Variants in MOV10L1 observed in about 807,000 individuals in gnomAD.
The protein encoded by MOV10L1 is Mov10 like RNA helicase 1.
A neutral mutation model predicts 143.8 loss-of-function variants in MOV10L1; 110 were observed. That is an observed-to-expected ratio of 0.76 (90% CI 0.66 to 0.90). MOV10L1 has a LOEUF of 0.90. Among genes scored for constraint, MOV10L1 ranks in the 40% least tolerant of loss-of-function variants. The probability of loss-of-function intolerance (pLI) is 0.00; values close to 1 mark genes in which losing one functional copy is unlikely to be tolerated. For synonymous variants in MOV10L1, 593 were observed against 581.1 expected (o/e 1.02, Z -0.29); for missense variants, 1,406 against 1,526.8 (o/e 0.92, Z 1.32).
intron 5 of MOV10L1, among the ~76,000 whole-genome samples, chr22:50,110,778 A>G (rs368971446): frequency 6.1e-4 from 93 of 152,064 alleles, no homozygotes; most frequent in African/African-American, 2.2e-3. Context: ...TAAAATACAA[A>G]AAATTAGCCA....
At chr22:50,128,015 G>A (rs553895693) in intron 12 of MOV10L1, among the ~76,000 whole-genome samples, 50 of 152,138 alleles carry the variant, frequency 3.3e-4, no homozygotes, top group African/African-American at 1.1e-3. Context: ...AAGGTGATCC[G>A]CCCACCTTGG....
In MOV10L1 at chr22:50,152,958, C is replaced by G; in HGVS notation, c.2893-87C>G. 7.3e-7 allele frequency: 1 copy of G among 1,365,740 alleles called. No homozygotes were observed. Among genetic ancestry groups the G allele is most frequent in the Middle Eastern group, 2.7e-4 (1 of 3,674 alleles). 84.6% of individuals were successfully genotyped at this position (1,365,740 alleles called of 1,614,324 possible). A position where few individuals can be genotyped will look rare whatever the true frequency, so the allele number is the denominator to read the frequency against. ...AGGCTTGGAAGTCAGGCAGGCCTCA[C>G]GTTTGCTGTGCAGAGCCGCTTTTCG... On this transcript the variant is annotated intron_variant, in intron 21 of 26. Coordinates refer to ENST00000262794, the MANE Select transcript of MOV10L1 (RefSeq NM_018995.3). This position sits in a 1 kb window ranked among gnomAD's most constrained non-coding sequence, Gnocchi z 4.4.
At chr22:50,131,532 G>A (rs1017198313) in intron 13 of MOV10L1, among the ~76,000 whole-genome samples, 26 of 152,092 alleles carry the variant, frequency 1.7e-4, no homozygotes, top group South Asian at 4.2e-4. Context: ...GGATCTCAAC[G>A]ATTTTATCCT....
intron 3 of MOV10L1, among the ~76,000 whole-genome samples, chr22:50,107,159 C>A (rs2147097773): frequency 6.6e-6 from 1 of 151,466 alleles, no homozygotes; most frequent in South Asian, 2.1e-4. Flanking sequence ...ACTGCAAACT[C>A]CACCTCCCGG....
In MOV10L1 at chr22:50,159,931, T is replaced by C; in HGVS notation, c.3324+146T>C. Reference sequence around the variant, plus strand: ...GGAGACTCCCTAGGTCCAGGAGCCATTGTAAGCAGTGGCTGTGGGAAGGTC... The same window carrying C: ...GGAGACTCCCTAGGTCCAGGAGCCACTGTAAGCAGTGGCTGTGGGAAGGTC... On this transcript the variant is annotated intron_variant, in intron 24 of 26. Transcript: ENST00000262794. The surrounding 1 kb of genome is among the most constrained non-coding windows in gnomAD (Gnocchi z 4.1). 5.0e-6 allele frequency: 3 copies of C among 594,840 alleles called. No homozygotes were observed. The highest frequency in any genetic ancestry group is 8.9e-6 in the Non-Finnish European group (3 of 335,584). 36.8% of individuals were successfully genotyped at this position (594,840 alleles called of 1,614,324 possible).
intron 5 of MOV10L1, among the ~76,000 whole-genome samples, chr22:50,109,835 C>T (rs1390566101): frequency 6.6e-6 from 1 of 150,856 alleles, no homozygotes; most frequent in African/African-American, 2.4e-5. Flanking sequence ...CAGCAAGGCT[C>T]TGTCTTAAAA....
rs1044299757 is a variant in MOV10L1 at position 50,129,093 on chromosome 22, C to T, written c.1910+586C>T. On this transcript the variant is annotated intron_variant, in intron 13 of 26. Coordinates refer to ENST00000262794, the MANE Select transcript of MOV10L1 (RefSeq NM_018995.3). Reference sequence around the variant, plus strand: ...TATAGGCCTTGTGGATGGAAGTGGGCTCCTACAGCATTTTTGCATACCCCG... The same window carrying T: ...TATAGGCCTTGTGGATGGAAGTGGGTTCCTACAGCATTTTTGCATACCCCG... 5.3e-5 allele frequency among the ~76,000 whole-genome samples: 8 copies of T among 152,258 alleles called. No homozygotes were observed. In the South Asian group the frequency reaches 1.4e-3, roughly 28 times the overall value.
chr22:50,156,614 T>C (rs1301846141), intron 22 of MOV10L1, among the ~76,000 whole-genome samples: 2 of 152,230 alleles, frequency 1.3e-5, no homozygotes, highest in South Asian at 2.1e-4. Flanking sequence ...GTGGAATTAA[T>C]CATGGAGTGT....
At chr22:50,145,554 A>G (rs966690087) in intron 18 of MOV10L1, 135 bp from the exon 19 acceptor site, 6 of 1,091,980 alleles carry the variant, frequency 5.5e-6, no homozygotes, top group East Asian at 4.8e-5. Context: ...ATAAGGAAGT[A>G]TGAGATATTT....
At chr22:50,102,215 A>C (rs2061763116) in intron 3 of MOV10L1, among the ~76,000 whole-genome samples, 1 of 152,158 alleles carries the variant, frequency 6.6e-6, no homozygotes, top group African/African-American at 2.4e-5. Context: ...AAACCTAAGG[A>C]CCACAGCAAA....
At chr22:50,139,972 A>G (rs1038764494) in intron 15 of MOV10L1, among the ~76,000 whole-genome samples, 1 of 152,158 alleles carries the variant, frequency 6.6e-6, no homozygotes, top group African/African-American at 2.4e-5. Context: ...CCTGCCATAC[A>G]ACCCAGCCAT....
chr22:50,108,378 G>A (rs1186680511), intron 4 of MOV10L1, 130 bp downstream of exon 4: 6 of 895,456 alleles, frequency 6.7e-6, no homozygotes, highest in Admixed American at 6.0e-5. Flanking sequence ...TGGCCAAAGA[G>A]GAGTGTGTTT....
intron 5 of MOV10L1, among the ~76,000 whole-genome samples, chr22:50,111,723 T>G (rs1431529961): frequency 6.6e-6 from 1 of 152,044 alleles, no homozygotes. Context: ...CAGGATGGTC[T>G]CAATCTCCTG....
intron 18 of MOV10L1, among the ~76,000 whole-genome samples, chr22:50,144,861 G>T (rs566665634): frequency 6.6e-6 from 1 of 152,090 alleles, no homozygotes; most frequent in African/African-American, 2.4e-5. Flanking sequence ...GATTACAGGC[G>T]TGAGCCACCG....
chr22:50,090,184 A>C lies in MOV10L1; in HGVS notation c.96A>C (p.Glu32Asp). 2 of 1,418,110 alleles carry C rather than the reference A, an allele frequency of 1.4e-6. No homozygotes were observed. The highest frequency in any genetic ancestry group is 1.8e-6 in the Non-Finnish European group (2 of 1,087,390). The allele number at this position is 1,418,110 out of a possible 1,614,324, so 87.8% of individuals were successfully genotyped here. The change falls in exon 1 of 27, where the codon GAA becomes GAC. Residue 32 changes from glutamate to aspartate, a missense_variant and splice_region_variant. Glu to Asp is a conservative substitution (Grantham distance 45). Around this residue, in one of 3 missense-constraint regions of MOV10L1, gnomAD observed 166 missense variants for 153.9 expected, o/e 1.08. Transcript: ENST00000262794. ...GGCAGCTGGAGCCCGAGCTCGCGGA[A>C]GGTGGCTCGCGGGAGGCGGCTGGGA... ...EAGQLEPELA[E>D]GDTKLKTVRG...
intron 10 of MOV10L1, among the ~76,000 whole-genome samples, chr22:50,122,192 T>G (rs1385690595): frequency 6.6e-6 from 1 of 152,258 alleles, no homozygotes; most frequent in Admixed American, 6.5e-5. Context: ...GAACATGGAA[T>G]GTGTTAACAT....
chr22:50,108,505 G>A (rs1187165396), intron 4 of MOV10L1, 152 bp from the exon 5 acceptor site: 19 of 829,370 alleles, frequency 2.3e-5, no homozygotes, highest in Non-Finnish European at 3.7e-5. Flanking sequence ...AGAAAGGTGT[G>A]TTGGAGAATC....
In MOV10L1 at chr22:50,120,630, C is replaced by T; in HGVS notation, c.1569+14C>T. The T allele has an allele frequency of 6.4e-7, 1 of 1,560,018 alleles. No homozygotes were observed. Among genetic ancestry groups the T allele is most frequent in the Non-Finnish European group, 8.8e-7 (1 of 1,132,968 alleles). ...TTACTTGCAGAGGTAGGAAGTGTCT[C>T]ATGGCCTGTGGGGTGTTGGCATCTT... is the stretch of plus-strand genomic sequence containing the variant. On this transcript the variant is annotated intron_variant, in intron 10 of 26. Transcript: ENST00000262794.
intron 7 of MOV10L1, 24 bp from the exon 8 acceptor site, chr22:50,115,090 T>C (rs199899178): frequency 9.6e-5 from 150 of 1,556,878 alleles, no homozygotes; most frequent in Non-Finnish European, 1.2e-4. Context: ...TGGTCAACTT[T>C]TGTATTAAAA....
Sources: allele counts gnomAD v4.1 joint callset (sites outside exome capture counted in the v4.1 genomes callset), GRCh38; gene constraint gnomAD v4.1.1; regional missense constraint gnomAD v4.1.1; non-coding constraint Gnocchi (gnomAD v3.1); transcripts MANE v1.5; gene names NCBI Gene and HGNC (gene_info 2026-07-23, HGNC 2026-07-21).